Variants in ADGB observed in about 807,000 individuals in gnomAD.
ADGB encodes calpain-7-like protein.
ADGB carries 172 observed loss-of-function variants against 210.5 expected under a neutral mutation model. The observed-to-expected ratio is 0.82, with a 90% confidence interval of 0.72 to 0.93. ADGB has a LOEUF of 0.93. ADGB is among the 40% of genes least tolerant of loss of function. The probability of loss-of-function intolerance (pLI) is 0.00; values close to 1 mark genes in which losing one functional copy is unlikely to be tolerated. For synonymous variants in ADGB, 658 were observed against 662.7 expected, an observed-to-expected ratio of 0.99 and a Z score of 0.11; for missense variants, 2,025 against 1,964.8, an observed-to-expected ratio of 1.03 and a Z score of -0.58.
intron 24 of ADGB, 21 bp downstream of exon 24, chr6:146,740,614 C>A (rs1476907573): frequency 2.6e-6 from 4 of 1,545,682 alleles, no homozygotes; most frequent in African/African-American, 2.7e-5. Flanking sequence ...TATATAGTGA[C>A]AAATATGTCT....
intron 6 of ADGB, 39 bp from the exon 7 acceptor site, chr6:146,666,777 A>C (rs1775941832): frequency 7.2e-7 from 1 of 1,382,210 alleles, no homozygotes; most frequent in Non-Finnish European, 1.0e-6. Context: ...TGTGTTTTCA[A>C]ATTTTGCTAC....
chr6:146,639,834 C>T (rs1320769804), intron 2 of ADGB: 1 of 151,948 alleles, frequency 6.6e-6, no homozygotes, highest in Non-Finnish European at 1.5e-5. Context: ...AATTAAAAAT[C>T]TAACTTCGCA....
intron 27 of ADGB, among the ~76,000 whole-genome samples, chr6:146,760,199 C>A (rs1583626095): frequency 6.6e-6 from 1 of 151,690 alleles, no homozygotes; most frequent in East Asian, 1.9e-4. Context: ...ATGACCCACA[C>A]CCCTAACAAG....
intron 2 of ADGB, among the ~76,000 whole-genome samples, chr6:146,643,060 A>G (rs1775541625): frequency 6.6e-6 from 1 of 151,926 alleles, no homozygotes; most frequent in African/African-American, 2.4e-5. Context: ...CAACAACTAA[A>G]TATTTGCAAT....
At chr6:146,734,364 C>A (rs2114588967) in intron 22 of ADGB, among the ~76,000 whole-genome samples, 1 of 152,292 alleles carries the variant, frequency 6.6e-6, no homozygotes, top group Admixed American at 6.5e-5. Context: ...TCCCAAGTAG[C>A]TAGCACCTGT....
chr6:146,742,197 A>G (rs6570775), intron 25 of ADGB, among the ~76,000 whole-genome samples: 75,764 of 151,808 alleles, frequency 0.5, 19,888 homozygotes, highest in African/African-American at 0.66. Context: ...ATTTTCGATG[A>G]AATTACTTAA....
At chr6:146,650,678 G>A (rs112737259) in intron 3 of ADGB, among the ~76,000 whole-genome samples, 1 of 147,822 alleles carries the variant, frequency 6.8e-6, no homozygotes, top group African/African-American at 2.5e-5. Flanking sequence ...CTAGTGAGGA[G>A]AGGAGAAGCC....
intron 2 of ADGB, among the ~76,000 whole-genome samples, chr6:146,643,430 T>A (rs2114869120): frequency 6.6e-6 from 1 of 151,982 alleles, no homozygotes; most frequent in Admixed American, 6.6e-5. Flanking sequence ...TATAGATAGT[T>A]TATATTCCTC....
intron 29 of ADGB, among the ~76,000 whole-genome samples, chr6:146,779,693 G>C (rs939751606): frequency 1.3e-5 from 2 of 150,774 alleles, no homozygotes; most frequent in Admixed American, 6.6e-5. Context: ...TATCAACCAA[G>C]AATTTTCTAC....
chr6:146,808,342 T>A (rs1014436361), intron 35 of ADGB, among the ~76,000 whole-genome samples: 1 of 152,134 alleles, frequency 6.6e-6, no homozygotes, highest in African/African-American at 2.4e-5. Context: ...GAAACCTCCT[T>A]CATAGACCAA....
chr6:146,711,875 CAAAA>C (rs377420781), intron 13 of ADGB, among the ~76,000 whole-genome samples: 4 of 149,250 alleles, frequency 2.7e-5, no homozygotes, highest in African/African-American at 9.8e-5. Context: ...CAAAAACAAA[CAAAA>C]AAAAACAACA....
At chr6:146,678,357 G>C (rs150214476) in intron 9 of ADGB, among the ~76,000 whole-genome samples, 172 of 152,236 alleles carry the variant, frequency 1.1e-3, no homozygotes, top group African/African-American at 3.9e-3. Flanking sequence ...CTCCCAAGTA[G>C]CTGGGACTGC....
At chr6:146,807,837 C>A in intron 35 of ADGB, 1 of 240,302 alleles carries the variant, frequency 4.2e-6, no homozygotes, top group Non-Finnish European at 7.8e-6. Context: ...GTTTGACACT[C>A]TAAACTGCCT....
At chr6:146,671,369 A>G (rs546640401) in intron 7 of ADGB, among the ~76,000 whole-genome samples, 1 of 152,316 alleles carries the variant, frequency 6.6e-6, no homozygotes, top group South Asian at 2.1e-4. Flanking sequence ...GATCCACTGC[A>G]CTGAGAAAAG....
intron 13 of ADGB, among the ~76,000 whole-genome samples, chr6:146,709,805 A>G (rs1776633998): frequency 6.6e-6 from 1 of 152,068 alleles, no homozygotes; most frequent in African/African-American, 2.4e-5. Flanking sequence ...ATTGGGAGTG[A>G]TGTGTGTGAT....
intron 1 of ADGB, among the ~76,000 whole-genome samples, chr6:146,607,377 C>T (rs897547619): frequency 6.6e-6 from 1 of 152,054 alleles, no homozygotes; most frequent in Non-Finnish European, 1.5e-5. Flanking sequence ...TATTTGTATG[C>T]CTTTTATTTA....
chr6:146,807,112 T>C (rs1355086244), intron 35 of ADGB, among the ~76,000 whole-genome samples: 9 of 152,218 alleles, frequency 5.9e-5, no homozygotes, highest in Non-Finnish European at 1.2e-4. Flanking sequence ...ATATAGATTA[T>C]ATTTGAAATA....
chr6:146,805,159 C>T (rs1471031050), intron 35 of ADGB, among the ~76,000 whole-genome samples: 1 of 152,170 alleles, frequency 6.6e-6, no homozygotes, highest in African/African-American at 2.4e-5. Flanking sequence ...ATTATTACAA[C>T]AGGGGAAGAG....
chr6:146,744,245 C>T (rs919156563), intron 25 of ADGB, among the ~76,000 whole-genome samples: 2 of 152,024 alleles, frequency 1.3e-5, no homozygotes, highest in African/African-American at 2.4e-5. Context: ...CATCTTTGGC[C>T]GACTAGATAA....
Sources: gnomAD v4.1 joint callset for allele counts (sites outside exome capture counted in the v4.1 genomes callset) on GRCh38, gnomAD v4.1.1 for gene constraint, MANE v1.5 for transcripts, NCBI Gene and HGNC (gene_info 2026-07-23, HGNC 2026-07-21) for gene names.